Variants in FIZ1 observed in about 807,000 individuals in gnomAD.
FIZ1 encodes the protein FLT3 interacting zinc finger 1, also known as flt3-interacting zinc finger protein 1.
Under a neutral mutation model 5.3 loss-of-function variants are expected in FIZ1, and 2 were observed. The ratio of observed to expected loss-of-function variants is 0.37; its 90% CI spans 0.15 to 1.18. The LOEUF is 1.18. Among genes scored for constraint, FIZ1 ranks in the 50% most tolerant of loss-of-function variants. FIZ1 has a pLI of 0.37. For synonymous variants in FIZ1, 407 were observed against 364.2 expected (o/e 1.12, Z -1.34); for missense variants, 631 against 749.7 (o/e 0.84, Z 1.85).
rs10403462 is a variant in FIZ1, at chr19:55,593,194, C to G, written c.747G>C (p.Thr249=). The G allele has an allele frequency of 0.34, 405,597 of 1,192,830 alleles. 70,552 individuals are homozygous for G. Among genetic ancestry groups the G allele is most frequent in the Non-Finnish European group, 0.36 (342,686 of 955,772 alleles). 73.9% of individuals were successfully genotyped at this position (1,192,830 alleles called of 1,614,324 possible). ...GCGCGCCCGGGCCCTGCAGGTCGTG[C>G]GTCAGCTTGTGCCGCTCCAGCAGCG... ...APALLERHKL[T]HDLQGPGAPP... The change falls in exon 3 of 3, where the codon ACG becomes ACC. Residue 249 remains threonine (T), a synonymous_variant. Transcript: ENST00000221665. The surrounding 1 kb of genome is among the most constrained non-coding windows in gnomAD (Gnocchi z 6.3).
At chr19:55,595,948 A>C (rs1007304630) in intron 2 of FIZ1, among the ~76,000 whole-genome samples, 1 of 152,150 alleles carries the variant, frequency 6.6e-6, no homozygotes, top group Non-Finnish European at 1.5e-5. Flanking sequence ...TGTTCAGTTC[A>C]CATCTCCCAC....
Position 55,593,359 on chromosome 19 carries a change from C to T in FIZ1, c.582G>A (p.Ala194=), listed in dbSNP as rs1980144381. The change falls in exon 3 of 3, where the codon GCG becomes GCA. Residue 194 remains alanine, a synonymous_variant. Transcript: ENST00000221665. This position sits in a 1 kb window ranked among gnomAD's most constrained non-coding sequence, Gnocchi z 6.3. The part of the protein sequence containing the change: ...WGLAEAAAAA[A]ASLPPFACGA... The stretch of plus-strand genomic sequence containing the variant: ...CGCACGCAAATGGGGGCAAGGAGGC[C>T]GCGGCCGCAGCTGCCGCCTCTGCCA... 2.2e-6 allele frequency: 3 copies of T among 1,350,634 alleles called. No homozygotes were observed. Among genetic ancestry groups the T allele is most frequent in the South Asian group, 1.8e-5 (1 of 57,044 alleles). 83.7% of individuals were successfully genotyped at this position (1,350,634 alleles called of 1,614,324 possible).
chr19:55,592,670 C>T lies in FIZ1; in HGVS notation c.1271G>A (p.Arg424His). The stretch of plus-strand genomic sequence containing the variant: ...GTGCCGCTCCAGGTCTCGCGGTGAG[C>T]GGAACAGCTTCTCGCACTCGGAGCA... Reference protein sequence around the residue: ...FGCSECEKLFRSPRDLERHVL... With the variant: ...FGCSECEKLFHSPRDLERHVL... Residue 424 changes from arginine to histidine, a missense_variant, in exon 3 of 3, where the codon CGC becomes CAC. By Grantham distance (29) the Arg-to-His change is conservative (BLOSUM62 0). Coordinates refer to ENST00000221665, the MANE Select transcript of FIZ1 (RefSeq NM_032836.3). This position sits in a 1 kb window ranked among gnomAD's most constrained non-coding sequence, Gnocchi z 6.9. 1 of 1,613,380 alleles carries T rather than the reference C, an allele frequency of 6.2e-7. No individual in the cohort carries two copies. Among genetic ancestry groups the T allele is most frequent in the African/African-American group, 1.3e-5 (1 of 75,048 alleles).
Position 55,592,293 on chromosome 19 carries a change from G to A in FIZ1, c.*157C>T. 1.3e-6 allele frequency: 1 copy of A among 791,742 alleles called. No homozygotes were observed. The highest frequency in any genetic ancestry group is 1.9e-6 in the Non-Finnish European group (1 of 524,498). The allele number at this position is 791,742 out of a possible 1,614,324, so 49.0% of individuals were successfully genotyped here. A position where few individuals can be genotyped will look rare whatever the true frequency, so the allele number is the denominator to read the frequency against. The stretch of plus-strand genomic sequence containing the variant: ...AGCTCCGGGGCCTTTGTGGGTTTTT[G>A]GTGGCCCCCACCTCTCCAGTCAGGG... On this transcript the variant is annotated 3_prime_UTR_variant, in exon 3 of 3. Transcript: ENST00000221665. This position sits in a 1 kb window ranked among gnomAD's most constrained non-coding sequence, Gnocchi z 6.9.
At position 55,594,651 on chromosome 19, in the gene FIZ1, C is replaced by T. The variant is rs181602193; in HGVS notation, c.295-1005G>A. 4.1e-4 allele frequency among the ~76,000 whole-genome samples: 58 copies of T among 141,002 alleles called. 1 individual carries two copies. Among genetic ancestry groups the T allele is most frequent in the South Asian group, 3.9e-3 (17 of 4,332 alleles). The allele number at this position is 141,002 out of a possible 152,430, so 92.5% of individuals were successfully genotyped here. A position where few individuals can be genotyped will look rare whatever the true frequency, so the allele number is the denominator to read the frequency against. On this transcript the variant is annotated intron_variant, in intron 2 of 2. Coordinates refer to ENST00000221665, the MANE Select transcript of FIZ1 (RefSeq NM_032836.3). ...GGCGGAGCTTGCAGTGAGCCGAGAT[C>T]GCGCCACTGCACTCCAGTCTGGGCG...
In FIZ1 at chr19:55,592,880, C is replaced by T; in HGVS notation, c.1061G>A (p.Gly354Asp). The change falls in exon 3 of 3, where the codon GGC (glycine) becomes GAC (aspartate). Residue 354 changes from glycine (G) to aspartate (D), a missense_variant. By Grantham distance (94) the Gly-to-Asp change is moderately conservative. This residue lies in a region of FIZ1 where 463 missense variants were observed against 455.1 expected (regional missense o/e 1.02). Coordinates refer to ENST00000221665, the MANE Select transcript of FIZ1 (RefSeq NM_032836.3). The surrounding 1 kb of genome is among the most constrained non-coding windows in gnomAD (Gnocchi z 6.9). ...GTGGCCGCAGCCGTAGGTGGCCGGG[C>T]CCGAGTGGGCCTCCAGGTGACTGGC... ...ALASHLEAHS[G>D]PATYGCGHCG... 6.5e-7 allele frequency: 1 copy of T among 1,535,172 alleles called. No homozygotes were observed. Among genetic ancestry groups the T allele is most frequent in the Non-Finnish European group, 8.7e-7 (1 of 1,146,878 alleles).
chr19:55,598,049 C>T, intron 1 of FIZ1, 148 bp from the exon 2 acceptor site: 1 of 949,224 alleles, frequency 1.1e-6, no homozygotes, highest in Non-Finnish European at 1.5e-6. Flanking sequence ...CTTTAAAATC[C>T]TCCTACTCTC....
At position 55,593,254 on chromosome 19, in the gene FIZ1, C is replaced by T; in HGVS notation, c.687G>A (p.Lys229=). The T allele has an allele frequency of 1.6e-6, 2 of 1,272,536 alleles. No homozygotes were observed. Among genetic ancestry groups the T allele is most frequent in the South Asian group, 1.8e-5 (1 of 57,116 alleles). The allele number at this position is 1,272,536 out of a possible 1,614,324, so 78.8% of individuals were successfully genotyped here. A position where few individuals can be genotyped will look rare whatever the true frequency, so the allele number is the denominator to read the frequency against. Residue 229 remains lysine (K), a synonymous_variant, in exon 3 of 3, where the codon AAG becomes AAA. Transcript: ENST00000221665. The surrounding 1 kb of genome is among the most constrained non-coding windows in gnomAD (Gnocchi z 6.3). The part of the protein sequence containing the change: ...WAAHTDVKPF[K]CPRCERDFNA... ...TGAAGTCGCGCTCGCAGCGCGGGCA[C>T]TTGAAGGGCTTCACGTCGGTGTGCG...
At position 55,592,971 on chromosome 19, in the gene FIZ1, C is replaced by G. The variant is rs1478282231; in HGVS notation, c.970G>C (p.Glu324Gln). 3 of 1,541,266 alleles carry G rather than the reference C, an allele frequency of 1.9e-6. No individual in the cohort carries two copies. Among genetic ancestry groups the G allele is most frequent in the African/African-American group, 1.4e-5 (1 of 70,218 alleles). The change falls in exon 3 of 3, where the codon GAG (glutamate) becomes CAG (glutamine). Residue 324 changes from glutamate (E) to glutamine (Q), a missense_variant. Physicochemically the swap from Glu to Gln is conservative, Grantham distance 29. This residue lies in a region of FIZ1 where 463 missense variants were observed against 455.1 expected (regional missense o/e 1.02). Transcript: ENST00000221665. The surrounding 1 kb of genome is among the most constrained non-coding windows in gnomAD (Gnocchi z 6.9). ...GEAPAPAAAA[E>Q]PSEDTLYQCD... ...TGGTACAGGGTGTCTTCCGAGGGCT[C>G]GGCGGCCGCCGCAGGTGCAGGCGCC...
rs1457199214 is a variant in FIZ1, at chr19:55,592,274, G to A, written c.*176C>T. On this transcript the variant is annotated 3_prime_UTR_variant, in exon 3 of 3. Coordinates refer to ENST00000221665, the MANE Select transcript of FIZ1 (RefSeq NM_032836.3). This position sits in a 1 kb window ranked among gnomAD's most constrained non-coding sequence, Gnocchi z 6.9. ...TGTTTGTTTGTGGTCCCCCAGCTCC[G>A]GGGCCTTTGTGGGTTTTTGGTGGCC... 1.5e-6 allele frequency: 1 copy of A among 666,580 alleles called. No individual in the cohort carries two copies. The allele number at this position is 666,580 out of a possible 1,614,324, so 41.3% of individuals were successfully genotyped here. A position where few individuals can be genotyped will look rare whatever the true frequency, so the allele number is the denominator to read the frequency against.
chr19:55,593,053 G>A lies in FIZ1; in HGVS notation c.888C>T (p.Gly296=). The A allele has an allele frequency of 7.2e-7, 1 of 1,381,288 alleles. No homozygotes were observed. Among genetic ancestry groups the A allele is most frequent in the Non-Finnish European group, 9.3e-7 (1 of 1,077,250 alleles). The allele number at this position is 1,381,288 out of a possible 1,614,324, so 85.6% of individuals were successfully genotyped here. A position where few individuals can be genotyped will look rare whatever the true frequency, so the allele number is the denominator to read the frequency against. The change falls in exon 3 of 3, where the codon GGC becomes GGT. Residue 296 remains glycine (G), a synonymous_variant. Coordinates refer to ENST00000221665, the MANE Select transcript of FIZ1 (RefSeq NM_032836.3). This position sits in a 1 kb window ranked among gnomAD's most constrained non-coding sequence, Gnocchi z 6.3. ...PLASDRRLLL[G]PAGGGVPKLG... ...GCTTGGGCACGCCGCCCCCCGCGGG[G>A]CCCAGGAGCAGCCTGCGGTCCGAAG...
rs1165503640 is a variant in FIZ1 at position 55,593,164 on chromosome 19, TG to T, written c.776del (p.Pro259GlnfsTer231). The T allele has an allele frequency of 4.3e-6, 5 of 1,163,366 alleles. No homozygotes were observed. Among genetic ancestry groups the T allele is most frequent in the South Asian group, 5.0e-5 (2 of 39,990 alleles). 72.1% of individuals were successfully genotyped at this position (1,163,366 alleles called of 1,614,324 possible). On this transcript the variant is annotated frameshift_variant, in exon 3 of 3. Coordinates refer to ENST00000221665, the MANE Select transcript of FIZ1 (RefSeq NM_032836.3). LOFTEE classifies it low-confidence loss of function (END_TRUNC). This position sits in a 1 kb window ranked among gnomAD's most constrained non-coding sequence, Gnocchi z 6.3. ...CTGGCCCCGCGGCCCAGGCCTGCGC[TG>T]GGGGCGCGCCCGGGCCCTGCAGGTC... The part of the protein sequence containing the change: ...THDLQGPGAP[P>X]AQAWAAGPGA...
chr19:55,598,126 C>G, intron 1 of FIZ1: 1 of 574,298 alleles, frequency 1.7e-6, no homozygotes, highest in East Asian at 2.9e-5. Flanking sequence ...ATAGTCTCCT[C>G]ACTCCACGGA....
rs1170721396 is a variant in FIZ1 at position 55,592,404 on chromosome 19, G to A, written c.*46C>T. The A allele has an allele frequency of 5.4e-6, 8 of 1,483,652 alleles. No individual in the cohort carries two copies. Among genetic ancestry groups the A allele is most frequent in the Non-Finnish European group, 6.3e-6 (7 of 1,108,232 alleles). 91.9% of individuals were successfully genotyped at this position (1,483,652 alleles called of 1,614,324 possible). The stretch of plus-strand genomic sequence containing the variant: ...GTCCCGAGGTCCCCTGGTCCAGGCC[G>A]AGTCCAGGAGGCTGGGTGGAGGGCA... On this transcript the variant is annotated 3_prime_UTR_variant, in exon 3 of 3. Transcript: ENST00000221665. The surrounding 1 kb of genome is among the most constrained non-coding windows in gnomAD (Gnocchi z 6.9).
Position 55,592,808 on chromosome 19 carries a change from C to T in FIZ1, c.1133G>A (p.Arg378Gln). 5 of 1,585,762 alleles carry T rather than the reference C, an allele frequency of 3.2e-6. No individual in the cohort carries two copies. In the South Asian group the frequency reaches 3.4e-5, roughly 11 times the overall value. The change falls in exon 3 of 3, where the codon CGG becomes CAG. Residue 378 changes from arginine to glutamine, a missense_variant. Coordinates refer to ENST00000221665, the MANE Select transcript of FIZ1 (RefSeq NM_032836.3). This position sits in a 1 kb window ranked among gnomAD's most constrained non-coding sequence, Gnocchi z 6.9. Reference protein sequence around the residue: ...AALAALEEHRRVSHGEGGGEE... With the variant: ...AALAALEEHRQVSHGEGGGEE... ...CCCGCCGCCCTCACCGTGGCTGACC[C>T]GCCGGTGCTCCTCCAAGGCGGCCAG...
Position 55,593,710 on chromosome 19 carries a change from T to TG in FIZ1, c.295-65dup. 6.9e-7 allele frequency: 1 copy of TG among 1,439,218 alleles called. No homozygotes were observed. Among genetic ancestry groups the TG allele is most frequent in the South Asian group, 1.2e-5 (1 of 81,350 alleles). The allele number at this position is 1,439,218 out of a possible 1,614,324, so 89.2% of individuals were successfully genotyped here. A position where few individuals can be genotyped will look rare whatever the true frequency, so the allele number is the denominator to read the frequency against. ...GAACCTAGCCCGGACAACGGATTCCTGGACTCCCAGAGGGTTGTGGCACAA... is the reference window on the plus strand; with the variant it reads ...GAACCTAGCCCGGACAACGGATTCCTGGGACTCCCAGAGGGTTGTGGCACAA... On this transcript the variant is annotated intron_variant, in intron 2 of 2. Transcript: ENST00000221665. This position sits in a 1 kb window ranked among gnomAD's most constrained non-coding sequence, Gnocchi z 6.3.
At chr19:55,596,570 C>G (rs1352121018) in intron 2 of FIZ1, among the ~76,000 whole-genome samples, 2 of 148,590 alleles carry the variant, frequency 1.3e-5, no homozygotes, top group African/African-American at 5.0e-5. Flanking sequence ...GGATTCCTCA[C>G]ACTGCAGGTT....
In FIZ1 at chr19:55,592,699, G is replaced by A. The variant is rs1980069282; in HGVS notation, c.1242C>T (p.Phe414=). Residue 414 remains phenylalanine, a synonymous_variant, in exon 3 of 3, where the codon TTC becomes TTT. Coordinates refer to ENST00000221665, the MANE Select transcript of FIZ1 (RefSeq NM_032836.3). The surrounding 1 kb of genome is among the most constrained non-coding windows in gnomAD (Gnocchi z 6.9). The part of the protein sequence containing the change: ...PSGSGRGKKI[F]GCSECEKLFR... ...ACAGCTTCTCGCACTCGGAGCAGCC[G>A]AAGATCTTCTTGCCGCGGCCGGAGC... 2 of 1,613,068 alleles carry A rather than the reference G, an allele frequency of 1.2e-6. No homozygotes were observed. Among genetic ancestry groups the A allele is most frequent in the African/African-American group, 1.3e-5 (1 of 75,042 alleles).
Position 55,593,355 on chromosome 19 carries a change from A to G in FIZ1, c.586T>C (p.Ser196Pro). ...LAEAAAAAAA[S>P]LPPFACGACA... ...GCGCCGCACGCAAATGGGGGCAAGGAGGCCGCGGCCGCAGCTGCCGCCTCT... is the reference window on the plus strand; with the variant it reads ...GCGCCGCACGCAAATGGGGGCAAGGGGGCCGCGGCCGCAGCTGCCGCCTCT... Residue 196 changes from serine (S) to proline (P), a missense_variant, in exon 3 of 3, where the codon TCC becomes CCC. By Grantham distance (74) the Ser-to-Pro change is moderately conservative. Transcript: ENST00000221665. The surrounding 1 kb of genome is among the most constrained non-coding windows in gnomAD (Gnocchi z 6.3). 1 of 1,343,308 alleles carries G rather than the reference A, an allele frequency of 7.4e-7. No individual in the cohort carries two copies. Among genetic ancestry groups the G allele is most frequent in the South Asian group, 1.8e-5 (1 of 56,098 alleles). The allele number at this position is 1,343,308 out of a possible 1,614,324, so 83.2% of individuals were successfully genotyped here.
Sources: allele counts gnomAD v4.1 joint callset (sites outside exome capture counted in the v4.1 genomes callset), GRCh38; gene constraint gnomAD v4.1.1; regional missense constraint gnomAD v4.1.1; non-coding constraint Gnocchi (gnomAD v3.1); transcripts MANE v1.5; gene names NCBI Gene and HGNC (gene_info 2026-07-23, HGNC 2026-07-21).